Variants in RAB11FIP4 observed in about 807,000 individuals in gnomAD.
The protein encoded by RAB11FIP4 is rab11 family-interacting protein 4.
RAB11FIP4 carries 23 observed loss-of-function variants against 74.3 expected under a neutral mutation model. The observed-to-expected ratio is 0.31, with a 90% CI of 0.22 to 0.44. The LOEUF is 0.44. Ranked by LOEUF, RAB11FIP4 falls within the 20% of genes least tolerant of loss-of-function variation. The pLI, the probability that RAB11FIP4 is intolerant of heterozygous loss-of-function variation, is 1.00. For missense variants in RAB11FIP4, 630 were observed against 863.9 expected, an observed-to-expected ratio of 0.73 and a Z score of 3.39; for synonymous variants, 360 against 359.9, an observed-to-expected ratio of 1.00 and a Z score of 0.00.
At chr17:31,503,333 G>A (rs558638402) in intron 3 of RAB11FIP4, among the ~76,000 whole-genome samples, 22 of 149,740 alleles carry the variant, frequency 1.5e-4, no homozygotes, top group East Asian at 1.9e-4. Flanking sequence ...AGTTCAGCCC[G>A]GCCTGAATTA....
At chr17:31,522,533 G>A in intron 7 of RAB11FIP4, 138 bp downstream of exon 7, 1 of 784,912 alleles carries the variant, frequency 1.3e-6, no homozygotes, top group African/African-American at 1.7e-5. Flanking sequence ...GCCATCCCAG[G>A]GCAGTGCAGC....
At chr17:31,398,515 A>AT (rs2070952978) in intron 1 of RAB11FIP4, among the ~76,000 whole-genome samples, 1 of 152,200 alleles carries the variant, frequency 6.6e-6, no homozygotes, top group Non-Finnish European at 1.5e-5. Context: ...AATGGGGGAC[A>AT]TATAGACCTG....
At chr17:31,445,368 A>G (rs947099594) in intron 3 of RAB11FIP4, among the ~76,000 whole-genome samples, 1 of 151,530 alleles carries the variant, frequency 6.6e-6, no homozygotes, top group African/African-American at 2.4e-5. Flanking sequence ...TTTCTGGACC[A>G]TTTGAAAGTT....
chr17:31,395,085 C>T (rs2070916382), intron 1 of RAB11FIP4, among the ~76,000 whole-genome samples: 1 of 152,092 alleles, frequency 6.6e-6, no homozygotes, highest in South Asian at 2.1e-4. Context: ...GTTCAGTGAA[C>T]TTAGAGCTGA....
intron 3 of RAB11FIP4, among the ~76,000 whole-genome samples, chr17:31,440,045 A>G (rs1367396809): frequency 6.6e-6 from 1 of 152,204 alleles, no homozygotes; most frequent in Non-Finnish European, 1.5e-5. Flanking sequence ...GTCATCATTT[A>G]TCAACCTTTT....
At chr17:31,443,801 G>A (rs2071426897) in intron 3 of RAB11FIP4, among the ~76,000 whole-genome samples, 1 of 152,220 alleles carries the variant, frequency 6.6e-6, no homozygotes, top group South Asian at 2.1e-4. Context: ...TGTAATCCCA[G>A]CTACTTGGGA....
At chr17:31,497,460 G>T (rs940815210) in intron 3 of RAB11FIP4, among the ~76,000 whole-genome samples, 1 of 152,242 alleles carries the variant, frequency 6.6e-6, no homozygotes, top group Non-Finnish European at 1.5e-5. Context: ...ACAGACGGAG[G>T]AGTTCTGGGC....
intron 3 of RAB11FIP4, among the ~76,000 whole-genome samples, chr17:31,436,827 G>A (rs1401397908): frequency 2.7e-5 from 4 of 147,884 alleles, no homozygotes; most frequent in East Asian, 2.0e-4. Context: ...TTGCTCTATC[G>A]CCCAGGCTGG....
Position 31,531,970 on chromosome 17 carries a change from A to G in RAB11FIP4, c.*238A>G, listed in dbSNP as rs2072879772. 1 of 486,876 alleles carries G rather than the reference A, an allele frequency of 2.1e-6. No homozygotes were observed. The highest frequency in any genetic ancestry group is 1.9e-5 in the African/African-American group (1 of 51,670). The allele number at this position is 486,876 out of a possible 1,614,324, so 30.2% of individuals were successfully genotyped here. ...TGCATGCACTTTGTGGCCCCTTTGC[A>G]AGGGGCAGAGGGTACTGGAAGTGGG... On this transcript the variant is annotated 3_prime_UTR_variant, in exon 15 of 15. Coordinates refer to ENST00000621161, the MANE Select transcript of RAB11FIP4 (RefSeq NM_032932.6).
intron 3 of RAB11FIP4, chr17:31,509,417 G>C (rs1231904961): frequency 6.6e-6 from 1 of 152,290 alleles, no homozygotes; most frequent in Non-Finnish European, 1.5e-5. Context: ...CCTAGAAGCT[G>C]CAGGGCGGGA....
intron 1 of RAB11FIP4, among the ~76,000 whole-genome samples, chr17:31,429,323 G>A (rs1290286547): frequency 6.6e-6 from 1 of 152,136 alleles, no homozygotes; most frequent in Non-Finnish European, 1.5e-5. Flanking sequence ...CAGTGAGGTC[G>A]GGAGATACTC....
chr17:31,420,825 T>G (rs1426410355), intron 1 of RAB11FIP4, among the ~76,000 whole-genome samples: 2 of 152,158 alleles, frequency 1.3e-5, no homozygotes, highest in Non-Finnish European at 2.9e-5. Flanking sequence ...GGCTCATGCC[T>G]GTAATCTCAG....
chr17:31,453,792 C>CAAAAA (rs555119408), intron 3 of RAB11FIP4, among the ~76,000 whole-genome samples: 17 of 62,378 alleles, frequency 2.7e-4, no homozygotes, highest in East Asian at 9.5e-4. Context: ...AGACTCGTCT[C>CAAAAA]AAAAAAAAAA....
At chr17:31,501,469 T>G (rs189309119) in intron 3 of RAB11FIP4, among the ~76,000 whole-genome samples, 2 of 152,346 alleles carry the variant, frequency 1.3e-5, no homozygotes, top group Admixed American at 6.5e-5. Context: ...TGTTTTACAA[T>G]AAAGTGTTTT....
chr17:31,525,308 C>T, intron 10 of RAB11FIP4, 78 bp downstream of exon 10: 33 of 1,372,002 alleles, frequency 2.4e-5, no homozygotes, highest in Non-Finnish European at 3.2e-5. Flanking sequence ...GCGCTATCCC[C>T]ATTTTATAGA....
At chr17:31,471,519 T>A (rs569577230) in intron 3 of RAB11FIP4, among the ~76,000 whole-genome samples, 1 of 152,292 alleles carries the variant, frequency 6.6e-6, no homozygotes, top group East Asian at 1.9e-4. Flanking sequence ...GTGAGAGAGA[T>A]ACTATTCCTA....
intron 1 of RAB11FIP4, among the ~76,000 whole-genome samples, chr17:31,405,401 G>A (rs948731533): frequency 1.3e-5 from 2 of 151,540 alleles, no homozygotes; most frequent in Admixed American, 1.3e-4. Flanking sequence ...ACGGAGTCTC[G>A]CTCTGTCGCC....
chr17:31,392,070 C>T (rs894610031), intron 1 of RAB11FIP4, 59 bp downstream of exon 1: 2 of 1,131,924 alleles, frequency 1.8e-6, no homozygotes, highest in Non-Finnish European at 2.2e-6. Flanking sequence ...CGCCGCCCCT[C>T]CCCCAGCTCC....
chr17:31,399,269 C>T (rs1302922533), intron 1 of RAB11FIP4, among the ~76,000 whole-genome samples: 2 of 152,166 alleles, frequency 1.3e-5, no homozygotes, highest in African/African-American at 4.8e-5. Context: ...GGGGAAATGC[C>T]CGCTGGCCTG....
Sources: gnomAD v4.1 joint callset for allele counts (sites outside exome capture counted in the v4.1 genomes callset) on GRCh38, gnomAD v4.1.1 for gene constraint, MANE v1.5 for transcripts, NCBI Gene and HGNC (gene_info 2026-07-23, HGNC 2026-07-21) for gene names.